SNURF: variants seen among roughly 807,000 people sequenced by gnomAD.
SNURF encodes SNURF protein.
In SNURF, 6 loss-of-function variants were observed where a neutral mutation model predicts 11.6. That is an observed-to-expected ratio of 0.52 (90% CI 0.28 to 1.02). SNURF has a LOEUF of 1.02. Ranked by LOEUF, SNURF falls within the 50% of genes least tolerant of loss-of-function variation. The pLI, the probability that SNURF is intolerant of heterozygous loss-of-function variation, is 0.09. For synonymous variants in SNURF, 29 were observed against 31.6 expected, an observed-to-expected ratio of 0.92 and a Z score of 0.27; for missense variants, 84 against 88.4, an observed-to-expected ratio of 0.95 and a Z score of 0.20.
At chr15:24,955,613 A>G (rs564388156) in intron 1 of SNURF, among the ~76,000 whole-genome samples, 117 of 129,980 alleles carry the variant, frequency 9.0e-4, no homozygotes, top group African/African-American at 3.1e-3. Context: ...TGGGGGGGGA[A>G]TTCGTCGCAG....
At chr15:24,974,259 G>A (rs1378497640) in intron 3 of SNURF, 13 of 603,590 alleles carry the variant, frequency 2.2e-5, no homozygotes, top group Non-Finnish European at 3.0e-5. Context: ...TTGTCTGCCT[G>A]TTTTAAAACA....
downstream of SNURF, among the ~76,000 whole-genome samples, chr15:24,972,898 C>G (rs1310098896): frequency 2.0e-5 from 3 of 151,640 alleles, no homozygotes; most frequent in Non-Finnish European, 4.4e-5. Flanking sequence ...CCCACCACCC[C>G]CAACCCTGAG....
chr15:24,962,647 TATC>T (rs1349138998), intron 2 of SNURF, among the ~76,000 whole-genome samples: 3 of 152,214 alleles, frequency 2.0e-5, no homozygotes, highest in African/African-American at 7.2e-5. Flanking sequence ...TTGTGTTTTT[TATC>T]CTGTTTTAAG....
chr15:24,973,442 G>T (rs902142348), downstream of SNURF, among the ~76,000 whole-genome samples: 1 of 152,028 alleles, frequency 6.6e-6, no homozygotes, highest in South Asian at 2.1e-4. Flanking sequence ...TTGTTGCCCA[G>T]GCTGGAGTGC....
intron 2 of SNURF, among the ~76,000 whole-genome samples, chr15:24,964,438 G>A (rs1044342897): frequency 6.6e-5 from 10 of 152,072 alleles, no homozygotes; most frequent in Non-Finnish European, 7.4e-5. Flanking sequence ...GATTATAGGT[G>A]TGTGCCACCA....
At chr15:24,962,468 C>G (rs2074985848) in intron 2 of SNURF, among the ~76,000 whole-genome samples, 1 of 152,018 alleles carries the variant, frequency 6.6e-6, no homozygotes, top group Non-Finnish European at 1.5e-5. Flanking sequence ...TTTGTAATTA[C>G]CCTTCAACAT....
chr15:24,962,652 T>G (rs2075015132), intron 2 of SNURF, among the ~76,000 whole-genome samples: 1 of 152,222 alleles, frequency 6.6e-6, no homozygotes, highest in South Asian at 2.1e-4. Context: ...TTTTTTATCC[T>G]GTTTTAAGTA....
downstream of SNURF, among the ~76,000 whole-genome samples, chr15:24,972,968 A>G (rs2076614451): frequency 6.6e-6 from 1 of 151,972 alleles, no homozygotes; most frequent in African/African-American, 2.4e-5. Context: ...GCTCACTGCA[A>G]ACTCTGCCTC....
chr15:24,960,964 T>A lies in SNURF; in HGVS notation c.15-1150T>A, dbSNP rs530734121. Among the ~76,000 whole-genome samples the A allele has an allele frequency of 1.7e-4, 26 of 152,306 alleles. No homozygotes were observed. The South Asian group carries it at 5.4e-3, about 32-fold the overall frequency. ...TCCCTACCTTCTTTTTTTTCATTGTTTGGATTTTCTTTTTGTTTGTTTTGG... is the reference window on the plus strand; with the variant it reads ...TCCCTACCTTCTTTTTTTTCATTGTATGGATTTTCTTTTTGTTTGTTTTGG... On this transcript the variant is annotated intron_variant, in intron 1 of 2. Coordinates refer to ENST00000577949, the Ensembl canonical transcript of SNURF.
chr15:24,962,450 T>C (rs949474606), intron 2 of SNURF, among the ~76,000 whole-genome samples: 10 of 152,234 alleles, frequency 6.6e-5, no homozygotes, highest in African/African-American at 2.4e-4. Flanking sequence ...ATTTTATCTT[T>C]ATAAAATTTT....
intron 6 of SNURF, among the ~76,000 whole-genome samples, chr15:24,977,355 A>T (rs1200132662): frequency 6.6e-6 from 1 of 152,156 alleles, no homozygotes; most frequent in East Asian, 1.9e-4. Context: ...AAATATGGGA[A>T]TAGGCCGGGT....
chr15:24,966,601 T>C (rs903355285), intron 2 of SNURF, among the ~76,000 whole-genome samples: 1 of 152,172 alleles, frequency 6.6e-6, no homozygotes, highest in African/African-American at 2.4e-5. Flanking sequence ...GACATCTCAT[T>C]ACCAAGAACT....
chr15:24,978,010 G>T (rs1195363589), downstream of SNURF: 2 of 1,299,818 alleles, frequency 1.5e-6, no homozygotes, highest in African/African-American at 3.0e-5. Context: ...AGAATTTGGG[G>T]AATATGCTTC....
At chr15:24,972,249 C>G (rs2076506746), downstream of SNURF, among the ~76,000 whole-genome samples, 1 of 125,628 alleles carries the variant, frequency 8.0e-6, no homozygotes, top group Non-Finnish European at 1.6e-5. Context: ...GAGTGAGACT[C>G]TGTCTCAAAA....
At chr15:24,962,303 AAT>A (rs2153484205) in intron 2 of SNURF, 94 bp downstream of exon 2, 1 of 999,862 alleles carries the variant, frequency 1.0e-6, no homozygotes, top group East Asian at 2.5e-5. Flanking sequence ...AAATGAACAT[AAT>A]TGAAGAAGCA....
At chr15:24,973,165 G>T (rs2076648624), downstream of SNURF, among the ~76,000 whole-genome samples, 1 of 151,886 alleles carries the variant, frequency 6.6e-6, no homozygotes, top group South Asian at 2.1e-4. Context: ...TTGGGATTAT[G>T]GGCGTGAGCC....
chr15:24,978,723 A>C, downstream of SNURF: 1 of 481,966 alleles, frequency 2.1e-6, no homozygotes, highest in Non-Finnish European at 3.7e-6. Flanking sequence ...CTGCTATCTA[A>C]CTTTCACTTT....
intron 3 of SNURF, chr15:24,974,862 C>A: frequency 1.4e-6 from 1 of 698,836 alleles, no homozygotes; most frequent in Non-Finnish European, 2.6e-6. Flanking sequence ...CTGTGCCTGG[C>A]CATGAGAAAT....
At chr15:24,955,196 G>A in intron 1 of SNURF, 134 bp downstream of exon 1, 1 of 1,224,070 alleles carries the variant, frequency 8.2e-7, no homozygotes, top group Non-Finnish European at 1.2e-6. Context: ...TTGTTCTGGA[G>A]AACCAGATCC....
Sources: gnomAD v4.1 joint callset for allele counts (sites outside exome capture counted in the v4.1 genomes callset) on GRCh38, gnomAD v4.1.1 for gene constraint, MANE v1.5 for transcripts, NCBI Gene and HGNC (gene_info 2026-07-23, HGNC 2026-07-21) for gene names.